Variants in MAPRE2 observed in about 807,000 individuals in gnomAD.
The protein encoded by MAPRE2 is microtubule associated protein RP/EB family member 2.
A neutral mutation model predicts 43.2 loss-of-function variants in MAPRE2; 13 were observed. The observed-to-expected ratio is 0.30, with a 90% CI of 0.20 to 0.48. The LOEUF (loss-of-function observed/expected upper bound fraction) is 0.48, where lower values mean the gene tolerates loss of function less well. Among genes scored for constraint, MAPRE2 ranks in the 20% least tolerant of loss-of-function variants. The probability of loss-of-function intolerance (pLI) is 0.99; values close to 1 mark genes in which losing one functional copy is unlikely to be tolerated. For synonymous variants in MAPRE2, 135 were observed against 148.8 expected (o/e 0.91, Z 0.68); for missense variants, 161 against 400.2 (o/e 0.40, Z 5.10).
intron 2 of MAPRE2, among the ~76,000 whole-genome samples, chr18:35,084,798 G>A (rs936811731): frequency 6.6e-6 from 1 of 152,232 alleles, no homozygotes; most frequent in African/African-American, 2.4e-5. Context: ...GTCAGGTAGT[G>A]GAGAGAAGCA....
chr18:35,077,916 AT>A (rs1907449036), intron 2 of MAPRE2, among the ~76,000 whole-genome samples: 1 of 152,186 alleles, frequency 6.6e-6, no homozygotes, highest in African/African-American at 2.4e-5. Flanking sequence ...ATTGAAAGTT[AT>A]TTTGAATTTT....
intron 6 of MAPRE2, among the ~76,000 whole-genome samples, chr18:35,134,782 G>A (rs139834189): frequency 2.6e-5 from 4 of 152,182 alleles, no homozygotes; most frequent in Admixed American, 6.5e-5. Context: ...CCTCTTTTTC[G>A]GGGCATTCAT....
At chr18:35,077,249 G>GCA (rs869108287) in intron 2 of MAPRE2, among the ~76,000 whole-genome samples, 22 of 88,846 alleles carry the variant, frequency 2.5e-4, no homozygotes, top group South Asian at 2.3e-3. Flanking sequence ...GTGCGCGCGC[G>GCA]CACACACACA....
chr18:34,999,952 C>A (rs978909352), intron 1 of MAPRE2, among the ~76,000 whole-genome samples: 5 of 151,736 alleles, frequency 3.3e-5, no homozygotes, highest in African/African-American at 7.3e-5. Flanking sequence ...TGAGGCAGTG[C>A]GTGGCGGCGG....
At chr18:34,995,560 A>G (rs1236688937) in intron 1 of MAPRE2, among the ~76,000 whole-genome samples, 1 of 152,212 alleles carries the variant, frequency 6.6e-6, no homozygotes, top group African/African-American at 2.4e-5. Flanking sequence ...AAAAGGGGAG[A>G]ACTTCCCTAA....
intron 5 of MAPRE2, 64 bp from the exon 6 acceptor site, chr18:35,131,968 T>G: frequency 6.7e-7 from 1 of 1,498,878 alleles, no homozygotes; most frequent in African/African-American, 1.4e-5. Flanking sequence ...TTCACAGGAA[T>G]TGCTGGTCAT....
At chr18:35,074,548 C>T (rs1311907714) in intron 2 of MAPRE2, among the ~76,000 whole-genome samples, 2 of 152,010 alleles carry the variant, frequency 1.3e-5, no homozygotes, top group East Asian at 1.9e-4. Flanking sequence ...TTTCCTCTCC[C>T]TCACTCCTCA....
At chr18:35,034,565 T>C (rs1387275658) in intron 2 of MAPRE2, among the ~76,000 whole-genome samples, 1 of 151,628 alleles carries the variant, frequency 6.6e-6, no homozygotes, top group East Asian at 1.9e-4. Flanking sequence ...AGCATCAGAG[T>C]GAACAGGCAA....
At chr18:35,070,530 C>T (rs921953600) in intron 2 of MAPRE2, 12 of 367,958 alleles carry the variant, frequency 3.3e-5, no homozygotes, top group African/African-American at 4.2e-5. Context: ...CAGAGCCACA[C>T]GGACACGTAT....
At chr18:35,043,673 A>G (rs1253805634) in intron 1 of MAPRE2, among the ~76,000 whole-genome samples, 3 of 152,228 alleles carry the variant, frequency 2.0e-5, no homozygotes, top group African/African-American at 7.2e-5. Flanking sequence ...TAAGAGCATC[A>G]CTGCATTTGT....
intron 1 of MAPRE2, among the ~76,000 whole-genome samples, chr18:35,044,900 A>G (rs1905544489): frequency 6.6e-6 from 1 of 152,248 alleles, no homozygotes; most frequent in South Asian, 2.1e-4. Context: ...TAACCCAGGT[A>G]TCTGATAGTG....
At chr18:35,006,650 A>T (rs1329517779) in intron 2 of MAPRE2, among the ~76,000 whole-genome samples, 1 of 152,236 alleles carries the variant, frequency 6.6e-6, no homozygotes, top group African/African-American at 2.4e-5. Flanking sequence ...TGGAACAATT[A>T]GTTTATTTAG....
chr18:34,984,147 G>A (rs1029141268), intron 1 of MAPRE2, among the ~76,000 whole-genome samples: 3 of 152,166 alleles, frequency 2.0e-5, no homozygotes, highest in African/African-American at 7.2e-5. Flanking sequence ...TTTCCAGTCT[G>A]CTCAAAGCTG....
intron 1 of MAPRE2, among the ~76,000 whole-genome samples, chr18:35,002,461 G>T (rs2097029837): frequency 6.6e-6 from 1 of 152,176 alleles, no homozygotes; most frequent in Non-Finnish European, 1.5e-5. Context: ...TATGGTAGTT[G>T]CATGTTTAGC....
chr18:35,138,023 G>A (rs148808400), intron 6 of MAPRE2, among the ~76,000 whole-genome samples: 115 of 152,302 alleles, frequency 7.6e-4, no homozygotes, highest in African/African-American at 2.7e-3. Context: ...CTTGTCCTGC[G>A]CTGGCCCAAG....
intron 1 of MAPRE2, 102 bp from the exon 2 acceptor site, chr18:35,070,093 T>C (rs1365302291): frequency 1.1e-6 from 1 of 918,994 alleles, no homozygotes; most frequent in African/African-American, 1.7e-5. Flanking sequence ...GCAGGACTTT[T>C]ACATGCCCTG....
In MAPRE2 at chr18:35,141,980, T is replaced by A. The variant is rs190428343; in HGVS notation, c.*1611T>A. ...TGCAGCAAAGTGATATTTATTGAGT[T>A]ATGTGGAAAAGATGGCTTGTATTTT... On this transcript the variant is annotated 3_prime_UTR_variant, in exon 7 of 7. Coordinates refer to ENST00000300249, the MANE Select transcript of MAPRE2 (RefSeq NM_014268.4). 5.9e-5 allele frequency: 9 copies of A among 152,368 alleles called. No individual in the cohort carries two copies. The highest frequency in any genetic ancestry group is 2.2e-4 in the African/African-American group (9 of 41,586). The allele number at this position is 152,368 out of a possible 1,614,324, so 9.4% of individuals were successfully genotyped here. A position where few individuals can be genotyped will look rare whatever the true frequency, so the allele number is the denominator to read the frequency against.
chr18:35,108,912 A>G (rs1245044378), intron 4 of MAPRE2, among the ~76,000 whole-genome samples: 3 of 152,102 alleles, frequency 2.0e-5, no homozygotes, highest in South Asian at 2.1e-4. Context: ...ATGTTCTCCC[A>G]TTCTGTAGGT....
At chr18:35,138,055 C>T (rs1250446832) in intron 6 of MAPRE2, among the ~76,000 whole-genome samples, 3 of 152,290 alleles carry the variant, frequency 2.0e-5, no homozygotes, top group Non-Finnish European at 2.9e-5. Flanking sequence ...TCCTGCTCCC[C>T]TGAGCATGTA....
Sources: allele counts gnomAD v4.1 joint callset (sites outside exome capture counted in the v4.1 genomes callset), GRCh38; gene constraint gnomAD v4.1.1; transcripts MANE v1.5; gene names NCBI Gene and HGNC (gene_info 2026-07-23, HGNC 2026-07-21).